Variants in RBFOX1 observed in about 807,000 individuals in gnomAD.
The protein encoded by RBFOX1 is RNA binding protein fox-1 homolog 1.
RBFOX1 carries 8 observed loss-of-function variants against 57.7 expected under a neutral mutation model. That is an observed-to-expected ratio of 0.14 (90% CI 0.08 to 0.25). RBFOX1 has a LOEUF of 0.25. Among genes scored for constraint, RBFOX1 ranks in the 10% least tolerant of loss-of-function variants. The pLI is 1.00. For synonymous variants in RBFOX1, 326 were observed against 222.4 expected (o/e 1.47, Z -4.15); for missense variants, 611 against 548.5 (o/e 1.11, Z -1.14).
chr16:7,526,235 T>C (rs1465722602), intron 5 of RBFOX1, among the ~76,000 whole-genome samples: 3 of 152,064 alleles, frequency 2.0e-5, no homozygotes, highest in Non-Finnish European at 4.4e-5. Flanking sequence ...CATGGAAAAA[T>C]TGTCTTCCAC....
At chr16:7,269,444 G>A (rs940970083) in intron 4 of RBFOX1, among the ~76,000 whole-genome samples, 6 of 152,128 alleles carry the variant, frequency 3.9e-5, no homozygotes, top group African/African-American at 1.2e-4. Context: ...CTCTGTGTGT[G>A]TGTATGTGTG....
At chr16:6,445,561 C>CTT (rs374322471) in intron 2 of RBFOX1, among the ~76,000 whole-genome samples, 8 of 114,860 alleles carry the variant, frequency 7.0e-5, no homozygotes, top group South Asian at 3.0e-4. Flanking sequence ...CTCTGAACTC[C>CTT]TTTTTTTTTT....
At chr16:7,201,347 T>G (rs7500515) in intron 4 of RBFOX1, among the ~76,000 whole-genome samples, 2 of 151,762 alleles carry the variant, frequency 1.3e-5, no homozygotes, top group Non-Finnish European at 1.5e-5. Context: ...AGAGATCAAG[T>G]CCTGTGTCTC....
At chr16:6,098,821 G>T (rs1013212877) in intron 1 of RBFOX1, among the ~76,000 whole-genome samples, 2 of 152,176 alleles carry the variant, frequency 1.3e-5, no homozygotes, top group African/African-American at 4.8e-5. Context: ...TTCCTAAGTG[G>T]AGCCAGGTGC....
intron 2 of RBFOX1, among the ~76,000 whole-genome samples, chr16:6,513,627 G>C (rs950059645): frequency 6.6e-6 from 1 of 152,124 alleles, no homozygotes; most frequent in Non-Finnish European, 1.5e-5. Flanking sequence ...ACAGCTATTC[G>C]GGAGGCCGAG....
intron 1 of RBFOX1, among the ~76,000 whole-genome samples, chr16:5,419,868 G>C (rs910527047): frequency 2.0e-5 from 3 of 152,064 alleles, no homozygotes; most frequent in Non-Finnish European, 4.4e-5. Context: ...GAGCAGAGAG[G>C]GACCCTGGGT....
chr16:7,572,231 C>T (rs562857018), intron 5 of RBFOX1, among the ~76,000 whole-genome samples: 2 of 152,262 alleles, frequency 1.3e-5, no homozygotes, highest in East Asian at 1.9e-4. Flanking sequence ...GATGTAATTT[C>T]ACTCTAAAGC....
intron 13 of RBFOX1, among the ~76,000 whole-genome samples, chr16:7,672,114 G>A (rs1226482977): frequency 1.3e-5 from 2 of 152,116 alleles, no homozygotes; most frequent in African/African-American, 2.4e-5. Flanking sequence ...ACCCTCCCTG[G>A]TCTTAGTAGA....
chr16:7,007,673 T>C (rs1035372786), intron 3 of RBFOX1, among the ~76,000 whole-genome samples: 1 of 152,214 alleles, frequency 6.6e-6, no homozygotes, highest in Non-Finnish European at 1.5e-5. Flanking sequence ...CTCTTCTCTT[T>C]AACATGATTT....
chr16:7,317,977 G>T (rs2096475714), intron 4 of RBFOX1, among the ~76,000 whole-genome samples: 1 of 152,038 alleles, frequency 6.6e-6, no homozygotes, highest in Admixed American at 6.6e-5. Context: ...GGTGATGGTG[G>T]TGGTGATAGT....
At chr16:5,931,671 T>C (rs1037989103) in intron 4 of RBFOX1, among the ~76,000 whole-genome samples, 1 of 152,152 alleles carries the variant, frequency 6.6e-6, no homozygotes, top group Non-Finnish European at 1.5e-5. Flanking sequence ...GACTCAAGTT[T>C]TGTGGGTCCT....
At chr16:6,566,244 A>T (rs2097264406) in intron 2 of RBFOX1, among the ~76,000 whole-genome samples, 2 of 152,216 alleles carry the variant, frequency 1.3e-5, no homozygotes. Context: ...GAGATCCACC[A>T]CGGTGAGAAA....
At chr16:7,192,140 G>A (rs1224717327) in intron 4 of RBFOX1, among the ~76,000 whole-genome samples, 1 of 152,184 alleles carries the variant, frequency 6.6e-6, no homozygotes, top group Non-Finnish European at 1.5e-5. Flanking sequence ...GTGGGGGAAG[G>A]GGGTAGGTAG....
At chr16:7,051,080 C>G (rs1224463681) in intron 3 of RBFOX1, among the ~76,000 whole-genome samples, 3 of 151,894 alleles carry the variant, frequency 2.0e-5, no homozygotes, top group East Asian at 1.9e-4. Context: ...CAAAAACTTA[C>G]AGTATATTGT....
downstream of RBFOX1, among the ~76,000 whole-genome samples, chr16:5,604,559 GAGT>G (rs2047496261): frequency 6.6e-6 from 1 of 152,180 alleles, no homozygotes; most frequent in Non-Finnish European, 1.5e-5. Flanking sequence ...TAGCAACATG[GAGT>G]CTTGTGTACA....
chr16:5,369,312 T>A (rs1567400868), intron 1 of RBFOX1, among the ~76,000 whole-genome samples: 1 of 152,224 alleles, frequency 6.6e-6, no homozygotes, highest in African/African-American at 2.4e-5. Context: ...CATAGTTTTT[T>A]AAAATGTAAA....
chr16:6,966,456 C>T (rs1244928990), intron 3 of RBFOX1, among the ~76,000 whole-genome samples: 1 of 152,112 alleles, frequency 6.6e-6, no homozygotes, highest in Non-Finnish European at 1.5e-5. Flanking sequence ...GAGGGGTGAG[C>T]TCATTCTGCC....
chr16:7,501,960 T>C (rs1180537485), intron 4 of RBFOX1, among the ~76,000 whole-genome samples: 1 of 152,178 alleles, frequency 6.6e-6, no homozygotes, highest in African/African-American at 2.4e-5. Context: ...CAACAGATAC[T>C]CAATACCTAA....
chr16:5,291,317 C>A (rs1209199374), intron 1 of RBFOX1, among the ~76,000 whole-genome samples: 1 of 136,598 alleles, frequency 7.3e-6, no homozygotes, highest in Non-Finnish European at 1.5e-5. Context: ...GGCTGGAGTG[C>A]AGTGACGCGA....
Sources: gnomAD v4.1 joint callset for allele counts (sites outside exome capture counted in the v4.1 genomes callset) on GRCh38, gnomAD v4.1.1 for gene constraint, MANE v1.5 for transcripts, NCBI Gene and HGNC (gene_info 2026-07-23, HGNC 2026-07-21) for gene names.